The following PCDHGA8 variants were observed in gnomAD, a reference collection of about 807,000 sequenced individuals.
PCDHGA8 encodes the protein protocadherin gamma-A8.
A neutral mutation model predicts 59.2 loss-of-function variants in PCDHGA8; 45 were observed. The observed-to-expected ratio is 0.76, with a 90% CI of 0.60 to 0.98. The LOEUF (loss-of-function observed/expected upper bound fraction) is 0.98, where lower values mean the gene tolerates loss of function less well. Among genes scored for constraint, PCDHGA8 ranks in the 50% least tolerant of loss-of-function variants. The pLI is 0.00. For missense variants in PCDHGA8, 1,257 were observed against 1,196.2 expected, an observed-to-expected ratio of 1.05 and a Z score of -0.75; for synonymous variants, 531 against 519.0, an observed-to-expected ratio of 1.02 and a Z score of -0.32.
At position 141,431,374 on chromosome 5, in the gene PCDHGA8, G is replaced by T. The variant is rs1561851775; in HGVS notation, c.2424+36137G>T. On this transcript the variant is annotated intron_variant, in intron 1 of 3. Coordinates refer to ENST00000398604, the MANE Select transcript of PCDHGA8 (RefSeq NM_032088.2). The surrounding 1 kb of genome is among the most constrained non-coding windows in gnomAD (Gnocchi z 4.8). ...AACGCGCCCTGGACCGCGAAGAAAA[G>T]GCTGCTCACCACCTGGTCCTTACGG... 1.9e-6 allele frequency: 3 copies of T among 1,613,862 alleles called. No individual in the cohort carries two copies. Among genetic ancestry groups the T allele is most frequent in the Non-Finnish European group, 2.5e-6 (3 of 1,180,044 alleles).
intron 1 of PCDHGA8, among the ~76,000 whole-genome samples, chr5:141,450,467 T>C (rs997813636): frequency 9.2e-5 from 14 of 151,944 alleles, no homozygotes; most frequent in African/African-American, 3.2e-4. Flanking sequence ...ATTTTATATA[T>C]AGAGTTTGTT....
At position 141,500,184 on chromosome 5, in the gene PCDHGA8, TTTTATTTATTTATTTA is replaced by T. The variant is rs58019021; in HGVS notation, c.2484-5182_2484-5167del. Among the ~76,000 whole-genome samples the T allele has an allele frequency of 2.1e-3, 289 of 135,964 alleles. 1 individual carries two copies. Among genetic ancestry groups the T allele is most frequent in the Middle Eastern group, 0.016 (4 of 248 alleles). The allele number at this position is 135,964 out of a possible 152,430, so 89.2% of individuals were successfully genotyped here. A position where few individuals can be genotyped will look rare whatever the true frequency, so the allele number is the denominator to read the frequency against. On this transcript the variant is annotated intron_variant, in intron 2 of 3. Coordinates refer to ENST00000398604, the MANE Select transcript of PCDHGA8 (RefSeq NM_032088.2). ...GAACATGCATGAGCTTCATTTTTAT[TTTTATTTATTTATTTA>T]TTTATTTATTTATTTATTTATTTAT...
chr5:141,398,740 C>T, intron 1 of PCDHGA8: 1 of 1,613,864 alleles, frequency 6.2e-7, no homozygotes, highest in Non-Finnish European at 8.5e-7. Flanking sequence ...CCGGGAACAA[C>T]AGAGTTACCA....
chr5:141,436,040 C>T (rs989038133), intron 1 of PCDHGA8, among the ~76,000 whole-genome samples: 1 of 152,060 alleles, frequency 6.6e-6, no homozygotes, highest in African/African-American at 2.4e-5. Context: ...TTTGTATTTA[C>T]ATTAGTTTTC....
chr5:141,478,415 C>G (rs182700706), intron 1 of PCDHGA8: 5 of 1,613,648 alleles, frequency 3.1e-6, no homozygotes, highest in Non-Finnish European at 4.2e-6. Context: ...CACGGACTCC[C>G]GCCGCAGCGA....
rs776854254 is a variant in PCDHGA8 at position 141,487,285 on chromosome 5, C to T, written c.2425-7522C>T. On this transcript the variant is annotated intron_variant, in intron 1 of 3. Coordinates refer to ENST00000398604, the MANE Select transcript of PCDHGA8 (RefSeq NM_032088.2). This position sits in a 1 kb window ranked among gnomAD's most constrained non-coding sequence, Gnocchi z 5.0. The stretch of plus-strand genomic sequence containing the variant: ...CCCTAGTGGCAATTTGCTTTGTCTC[C>T]TTTGGCTCATTCGTGGCACTACTCT... 8 of 1,614,148 alleles carry T rather than the reference C, an allele frequency of 5.0e-6. No homozygotes were observed. The highest frequency in any genetic ancestry group is 6.8e-6 in the Non-Finnish European group (8 of 1,180,036).
chr5:141,434,924 A>G (rs2097731722), intron 1 of PCDHGA8, among the ~76,000 whole-genome samples: 1 of 151,756 alleles, frequency 6.6e-6, no homozygotes, highest in African/African-American at 2.4e-5. Context: ...ATGTACATAT[A>G]TTTTATATAA....
At chr5:141,414,699 C>T (rs2095778847) in intron 1 of PCDHGA8, 2 of 1,613,952 alleles carry the variant, frequency 1.2e-6, no homozygotes, top group Non-Finnish European at 1.7e-6. Context: ...TGTCCTCATA[C>T]ATATCCATCA....
rs777537045 is a variant in PCDHGA8 at position 141,490,191 on chromosome 5, A to T, written c.2425-4616A>T. The T allele has an allele frequency of 6.2e-7, 1 of 1,614,176 alleles. No homozygotes were observed. The highest frequency in any genetic ancestry group is 1.1e-5 in the South Asian group (1 of 91,082). On this transcript the variant is annotated intron_variant, in intron 1 of 3. Coordinates refer to ENST00000398604, the MANE Select transcript of PCDHGA8 (RefSeq NM_032088.2). The surrounding 1 kb of genome is among the most constrained non-coding windows in gnomAD (Gnocchi z 5.4). ...ACTTTGAGGAGTCACGTTTCTATGA[A>T]ATTCATGCAAGAGCCCGTGACCAGG...
At chr5:141,427,814 G>T in intron 1 of PCDHGA8, 2 of 1,526,562 alleles carry the variant, frequency 1.3e-6, no homozygotes, top group South Asian at 2.2e-5. Context: ...CACAGAGCGG[G>T]GTGGTGGTCG....
At position 141,476,946 on chromosome 5, in the gene PCDHGA8, G is replaced by A; in HGVS notation, c.2425-17861G>A. ...ACGGATCTGGATGAAGGCCCCAACG[G>A]TGAAATTATTTACTCCTTCGGCAGC... On this transcript the variant is annotated intron_variant, in intron 1 of 3. Transcript: ENST00000398604. The surrounding 1 kb of genome is among the most constrained non-coding windows in gnomAD (Gnocchi z 7.6). The A allele has an allele frequency of 6.2e-7, 1 of 1,614,206 alleles. No individual in the cohort carries two copies. Among genetic ancestry groups the A allele is most frequent in the Non-Finnish European group, 8.5e-7 (1 of 1,180,044 alleles).
intron 1 of PCDHGA8, among the ~76,000 whole-genome samples, chr5:141,439,243 T>C (rs2098101178): frequency 6.6e-6 from 1 of 151,962 alleles, no homozygotes; most frequent in Non-Finnish European, 1.5e-5. Flanking sequence ...CCTATACAAT[T>C]TCAGCTGAAG....
chr5:141,438,658 G>GTA (rs2098048375), intron 1 of PCDHGA8, among the ~76,000 whole-genome samples: 7 of 77,996 alleles, frequency 9.0e-5, no homozygotes, highest in African/African-American at 1.9e-4. Flanking sequence ...ACACATATAT[G>GTA]TATATATATA....
chr5:141,509,663 G>A (rs933532930), intron 3 of PCDHGA8, among the ~76,000 whole-genome samples: 1 of 152,140 alleles, frequency 6.6e-6, no homozygotes, highest in Non-Finnish European at 1.5e-5. Context: ...ACTTCTCTGG[G>A]CCCCAGTTTC....
rs370127569 is a variant in PCDHGA8 at position 141,422,859 on chromosome 5, C to T, written c.2424+27622C>T. 1.4e-5 allele frequency: 22 copies of T among 1,614,148 alleles called. No homozygotes were observed. In the African/African-American group the frequency reaches 2.5e-4, roughly 19 times the overall value. ...GTGACAGCGGGGACCCGCCCCTCAG[C>T]AGCAACGTGTCGCTGAGCCTGTTCG... On this transcript the variant is annotated intron_variant, in intron 1 of 3. Transcript: ENST00000398604.
chr5:141,488,312 A>G lies in PCDHGA8; in HGVS notation c.2425-6495A>G, dbSNP rs952247975. 7.9e-5 allele frequency among the ~76,000 whole-genome samples: 12 copies of G among 152,286 alleles called. 1 individual carries two copies. Among genetic ancestry groups the G allele is most frequent in the African/African-American group, 2.9e-4 (12 of 41,558 alleles). On this transcript the variant is annotated intron_variant, in intron 1 of 3. Coordinates refer to ENST00000398604, the MANE Select transcript of PCDHGA8 (RefSeq NM_032088.2). ...AGTAAGTGAAATCACTTATGTCAGA[A>G]AACTGGTTTACAGTTGGCTGATTCA...
In PCDHGA8 at chr5:141,423,972, T is replaced by C. The variant is rs1459859824; in HGVS notation, c.2424+28735T>C. ...TTTAGTATTATTTTTCTATTATCAG[T>C]GTATGAGGCTCTCAATTTATTATAT... On this transcript the variant is annotated intron_variant, in intron 1 of 3. Transcript: ENST00000398604. 4 of 1,128,544 alleles carry C rather than the reference T, an allele frequency of 3.5e-6. No homozygotes were observed. The East Asian group carries it at 1.9e-4, about 53-fold the overall frequency. The allele number at this position is 1,128,544 out of a possible 1,614,324, so 69.9% of individuals were successfully genotyped here.
intron 1 of PCDHGA8, chr5:141,422,796 T>C: frequency 6.2e-7 from 1 of 1,614,234 alleles, no homozygotes; most frequent in Middle Eastern, 1.6e-4. Flanking sequence ...CCTTCGACTA[T>C]GAGCAGTTTC....
intron 3 of PCDHGA8, among the ~76,000 whole-genome samples, chr5:141,506,190 C>T (rs1313145580): frequency 6.6e-6 from 1 of 152,180 alleles, no homozygotes; most frequent in Non-Finnish European, 1.5e-5. Flanking sequence ...GTGGCTCACG[C>T]CTGTAATCCC....
Sources: gnomAD v4.1 joint callset for allele counts (sites outside exome capture counted in the v4.1 genomes callset) on GRCh38, gnomAD v4.1.1 for gene constraint, Gnocchi (gnomAD v3.1) non-coding constraint, MANE v1.5 for transcripts, NCBI Gene and HGNC (gene_info 2026-07-23, HGNC 2026-07-21) for gene names.